Variants in CNGB1 observed in about 807,000 individuals in gnomAD.
CNGB1 encodes the protein cyclic nucleotide-gated channel beta-1.
CNGB1 carries 126 observed loss-of-function variants against 151.7 expected under a neutral mutation model. The ratio of observed to expected loss-of-function variants is 0.83; its 90% CI spans 0.72 to 0.96. CNGB1 has a LOEUF of 0.96. Ranked by LOEUF, CNGB1 falls within the 40% of genes least tolerant of loss-of-function variation. The pLI is 0.00. For missense variants in CNGB1, 1,698 were observed against 1,627.0 expected (o/e 1.04, Z -0.75); for synonymous variants, 623 against 635.1 (o/e 0.98, Z 0.29).
chr16:57,932,221 T>A (rs1406062823), intron 16 of CNGB1, among the ~76,000 whole-genome samples: 4 of 152,112 alleles, frequency 2.6e-5, no homozygotes, highest in Admixed American at 2.6e-4. Context: ...GCTGAGGCAG[T>A]GGCAGCCCCC....
chr16:57,938,744 T>G (rs1961578243), intron 16 of CNGB1, among the ~76,000 whole-genome samples: 1 of 152,150 alleles, frequency 6.6e-6, no homozygotes, highest in South Asian at 2.1e-4. Flanking sequence ...GCGTGGGGAA[T>G]GTGGAGTGTA....
chr16:57,889,488 T>G (rs1405394826), intron 31 of CNGB1, among the ~76,000 whole-genome samples: 1 of 152,172 alleles, frequency 6.6e-6, no homozygotes, highest in Admixed American at 6.5e-5. Flanking sequence ...CATCCAGACT[T>G]GAGATGAGAG....
intron 10 of CNGB1, among the ~76,000 whole-genome samples, chr16:57,958,912 C>T (rs1962163529): frequency 6.9e-6 from 1 of 145,112 alleles, no homozygotes; most frequent in South Asian, 2.2e-4. Context: ...CACATGCCAT[C>T]ATGCCCAGCT....
At chr16:57,898,765 C>T (rs901182953) in intron 29 of CNGB1, among the ~76,000 whole-genome samples, 1 of 152,146 alleles carries the variant, frequency 6.6e-6, no homozygotes, top group Non-Finnish European at 1.5e-5. Context: ...CCCTCAGAGT[C>T]GAGATCACTC....
chr16:57,957,186 G>T (rs1300806692), intron 12 of CNGB1, among the ~76,000 whole-genome samples, 155 bp downstream of exon 12: 5 of 150,002 alleles, frequency 3.3e-5, no homozygotes, highest in African/African-American at 5.0e-5. Flanking sequence ...AGAGCATGGG[G>T]CTCTCTCAGC....
At position 57,970,206 on chromosome 16, in the gene CNGB1, G is replaced by C. The variant is rs1474664916; in HGVS notation, c.-9+854C>G. Among the ~76,000 whole-genome samples the C allele has an allele frequency of 4.6e-5, 7 of 152,240 alleles. No individual in the cohort carries two copies. The South Asian group carries it at 8.3e-4, about 18-fold the overall frequency. ...TCTGGTCTTCCATTTCCCTGAAGGT[G>C]GGGGCACAGACACAATGTTTTCCCA... On this transcript the variant is annotated intron_variant, in intron 1 of 32. Transcript: ENST00000251102.
In CNGB1 at chr16:57,931,750, G is replaced by C. The variant is rs1275418233; in HGVS notation, c.1501C>G (p.Leu501Val). 3 of 1,614,182 alleles carry C rather than the reference G, an allele frequency of 1.9e-6. No homozygotes were observed. The highest frequency in any genetic ancestry group is 2.5e-6 in the Non-Finnish European group (3 of 1,180,046). The change falls in exon 17 of 33, where the codon CTT becomes GTT. Residue 501 changes from leucine to valine, a missense_variant. Coordinates refer to ENST00000251102, the MANE Select transcript of CNGB1 (RefSeq NM_001297.5). ...PPPSPAKSDT[L>V]IVPSSASGTH... ...CCCGAGGCTGAGCTTGGGACTATAA[G>C]GGTGTCTGATTTGGCAGGAGACGGT...
intron 31 of CNGB1, among the ~76,000 whole-genome samples, chr16:57,894,498 G>C: frequency 6.6e-6 from 1 of 152,304 alleles, no homozygotes; most frequent in East Asian, 1.9e-4. Flanking sequence ...CTACTCAGGA[G>C]GCTGAGGCAG....
Position 57,912,912 on chromosome 16 carries a change from A to T in CNGB1, c.2369+18T>A, listed in dbSNP as rs764066188. The T allele has an allele frequency of 7.4e-6, 12 of 1,613,228 alleles. No homozygotes were observed. In the Admixed American group the frequency reaches 2.0e-4, roughly 27 times the overall value. ...GTCATGTGTGTGTGCATGCATGCAC[A>T]TGCAGGGGGAGTCTCACCTGTACAC... On this transcript the variant is annotated intron_variant, in intron 24 of 32. Coordinates refer to ENST00000251102, the MANE Select transcript of CNGB1 (RefSeq NM_001297.5).
At chr16:57,946,669 G>A (rs554349431) in intron 14 of CNGB1, 47 of 152,326 alleles carry the variant, frequency 3.1e-4, no homozygotes, top group African/African-American at 1.0e-3. Flanking sequence ...GTCTCTAGGC[G>A]ACCATCTGCC....
chr16:57,967,393 T>C, intron 1 of CNGB1, 99 bp from the exon 2 acceptor site: 2 of 1,317,890 alleles, frequency 1.5e-6, no homozygotes, highest in Non-Finnish European at 2.2e-6. Context: ...TTTTCCTTCA[T>C]CAACTTTAAA....
In CNGB1 at chr16:57,884,288, TCTCC is replaced by T; in HGVS notation, c.3628_3631del (p.Gly1210ArgfsTer13). On this transcript the variant is annotated frameshift_variant, in exon 33 of 33. Coordinates refer to ENST00000251102, the MANE Select transcript of CNGB1 (RefSeq NM_001297.5). LOFTEE classifies it low-confidence loss of function (END_TRUNC). ...TTCGGGCTCGGCCGGCCCCTCCTCC[TCTCC>T]CTCCGGCCTCCCAAGGGAGGCAGGC... 1 of 1,612,444 alleles carries T rather than the reference TCTCC, an allele frequency of 6.2e-7. No individual in the cohort carries two copies. Among genetic ancestry groups the T allele is most frequent in the Non-Finnish European group, 8.5e-7 (1 of 1,179,600 alleles).
intron 16 of CNGB1, among the ~76,000 whole-genome samples, chr16:57,935,650 C>T (rs533688209): frequency 2.0e-5 from 3 of 151,710 alleles, no homozygotes; most frequent in Admixed American, 6.6e-5. Context: ...TCCGTCCCCC[C>T]CCAAAAAAAA....
intron 17 of CNGB1, among the ~76,000 whole-genome samples, chr16:57,924,663 G>A (rs748502874): frequency 6.4e-4 from 97 of 152,228 alleles, no homozygotes; most frequent in African/African-American, 5.8e-4. Context: ...CTCTGTGACC[G>A]CACCAAATCT....
At chr16:57,942,862 C>CA (rs77562880) in intron 14 of CNGB1, among the ~76,000 whole-genome samples, 7,708 of 105,676 alleles carry the variant, frequency 0.073, 604 homozygotes, top group African/African-American at 0.22. Flanking sequence ...GACCCTGTCT[C>CA]AAAAAAAAAA....
Position 57,931,822 on chromosome 16 carries a change from A to G in CNGB1, c.1429T>C (p.Cys477Arg). The G allele has an allele frequency of 6.2e-7, 1 of 1,614,166 alleles. No homozygotes were observed. ...GGATTCTCTTCTGCCATGAGGGGGCAGCTATCAGCATCAGTATCTTCCACC... is the reference window on the plus strand; with the variant it reads ...GGATTCTCTTCTGCCATGAGGGGGCGGCTATCAGCATCAGTATCTTCCACC... ...VQVEDTDADS[C>R]PLMAEENPPS... is the part of the protein sequence containing the mutation. The change falls in exon 17 of 33, where the codon TGC (cysteine) becomes CGC (arginine). Residue 477 changes from cysteine to arginine, a missense_variant. Transcript: ENST00000251102.
At chr16:57,901,157 A>C (rs973688175) in intron 29 of CNGB1, among the ~76,000 whole-genome samples, 195 bp downstream of exon 29, 1 of 152,178 alleles carries the variant, frequency 6.6e-6, no homozygotes, top group Non-Finnish European at 1.5e-5. Context: ...GACTGCATAG[A>C]GTCGGCAAAG....
At chr16:57,945,993 G>C (rs1269939615) in intron 14 of CNGB1, among the ~76,000 whole-genome samples, 1 of 152,206 alleles carries the variant, frequency 6.6e-6, no homozygotes, top group Non-Finnish European at 1.5e-5. Context: ...ACCGGGGGCT[G>C]TCTAGGGGCC....
At chr16:57,943,730 G>C (rs1020146703) in intron 14 of CNGB1, among the ~76,000 whole-genome samples, 14 of 152,098 alleles carry the variant, frequency 9.2e-5, no homozygotes, top group Non-Finnish European at 1.8e-4. Flanking sequence ...ACACACTGTT[G>C]GTGGGATTGT....
Sources: gnomAD v4.1 joint callset for allele counts (sites outside exome capture counted in the v4.1 genomes callset) on GRCh38, gnomAD v4.1.1 for gene constraint, MANE v1.5 for transcripts, NCBI Gene and HGNC (gene_info 2026-07-23, HGNC 2026-07-21) for gene names.